The following DZIP3 variants were observed in gnomAD, a reference collection of about 807,000 sequenced individuals.
DZIP3 encodes the protein E3 ubiquitin-protein ligase DZIP3.
Under a neutral mutation model 162.0 loss-of-function variants are expected in DZIP3, and 118 were observed. The ratio of observed to expected loss-of-function variants is 0.73; its 90% CI spans 0.63 to 0.85. DZIP3 has a LOEUF of 0.85. DZIP3 is among the 40% of genes least tolerant of loss of function. The pLI is 0.00. For missense variants in DZIP3, 1,331 were observed against 1,407.0 expected, an observed-to-expected ratio of 0.95 and a Z score of 0.86; for synonymous variants, 438 against 458.6, an observed-to-expected ratio of 0.96 and a Z score of 0.57.
chr3:108,662,376 C>A, intron 21 of DZIP3, 119 bp downstream of exon 21: 1 of 1,220,480 alleles, frequency 8.2e-7, no homozygotes, highest in Non-Finnish European at 1.1e-6. Context: ...ACCTCAACCA[C>A]ACGACTGCAC....
intron 1 of DZIP3, among the ~76,000 whole-genome samples, chr3:108,595,683 CAT>C (rs138157828): frequency 0.014 from 2,146 of 152,286 alleles, 55 homozygotes; most frequent in African/African-American, 0.048. Flanking sequence ...CTAGAAAGAA[CAT>C]ATTGTCTTCT....
intron 1 of DZIP3, among the ~76,000 whole-genome samples, chr3:108,604,772 A>T (rs893650128): frequency 1.3e-5 from 2 of 152,236 alleles, no homozygotes; most frequent in Non-Finnish European, 2.9e-5. Context: ...GCAGGAACTC[A>T]TATATACCTC....
chr3:108,620,307 A>G (rs1465537951), intron 5 of DZIP3, among the ~76,000 whole-genome samples: 1 of 152,196 alleles, frequency 6.6e-6, no homozygotes, highest in Non-Finnish European at 1.5e-5. Context: ...CCACACTTCC[A>G]GAAGAAAATC....
intron 19 of DZIP3, among the ~76,000 whole-genome samples, chr3:108,659,767 G>A (rs1367851592): frequency 6.6e-6 from 1 of 152,180 alleles, no homozygotes; most frequent in Admixed American, 6.5e-5. Flanking sequence ...ATCTCCTTAA[G>A]CTGATAAGCA....
chr3:108,665,448 AAATT>A (rs1324714693), intron 21 of DZIP3, among the ~76,000 whole-genome samples: 2 of 152,150 alleles, frequency 1.3e-5, no homozygotes, highest in Non-Finnish European at 2.9e-5. Context: ...TGGGAGAAAA[AAATT>A]AAAAAGAGTC....
At chr3:108,665,904 A>C (rs1040585526) in intron 21 of DZIP3, among the ~76,000 whole-genome samples, 1 of 152,192 alleles carries the variant, frequency 6.6e-6, no homozygotes, top group Non-Finnish European at 1.5e-5. Context: ...CAGACAATGG[A>C]AAATTATAAG....
Position 108,632,997 on chromosome 3 carries a change from G to T in DZIP3, c.741G>T (p.Met247Ile). 1 of 1,487,056 alleles carries T rather than the reference G, an allele frequency of 6.7e-7. No individual in the cohort carries two copies. The highest frequency in any genetic ancestry group is 1.4e-5 in the South Asian group (1 of 69,246). The allele number at this position is 1,487,056 out of a possible 1,614,324, so 92.1% of individuals were successfully genotyped here. A position where few individuals can be genotyped will look rare whatever the true frequency, so the allele number is the denominator to read the frequency against. Residue 247 changes from methionine to isoleucine, a missense_variant, in exon 9 of 33, where the codon ATG (methionine) becomes ATT (isoleucine). Around this residue, in one of 2 missense-constraint regions of DZIP3, gnomAD observed 1,278 missense variants for 1,317.1 expected, o/e 0.97. Transcript: ENST00000361582. Reference sequence around the variant, plus strand: ...TCAAGACAACTGAAAGCAATATAATGAAGCAGACGATTTGTAGTTACCTAG... The same window carrying T: ...TCAAGACAACTGAAAGCAATATAATTAAGCAGACGATTTGTAGTTACCTAG... ...NFIKTTESNI[M>I]KQTICSYLDC... is the part of the protein sequence containing the mutation.
intron 27 of DZIP3, among the ~76,000 whole-genome samples, chr3:108,685,294 TC>T (rs1204181576): frequency 6.6e-6 from 1 of 152,122 alleles, no homozygotes; most frequent in African/African-American, 2.4e-5. Context: ...TACCTTAATC[TC>T]CTAATAAGAT....
Position 108,622,487 on chromosome 3 carries a change from T to C in DZIP3, c.376-1957T>C, listed in dbSNP as rs553937601. 5.3e-5 allele frequency among the ~76,000 whole-genome samples: 8 copies of C among 152,300 alleles called. No homozygotes were observed. In the South Asian group the frequency reaches 1.5e-3, roughly 28 times the overall value. On this transcript the variant is annotated intron_variant, in intron 5 of 32. Coordinates refer to ENST00000361582, the MANE Select transcript of DZIP3 (RefSeq NM_014648.4). ...TTGGCAACTGGTGCCTTTTTTGGTT[T>C]GGTAAAGTCATGTTTTCCTGGATGG...
intron 11 of DZIP3, 89 bp downstream of exon 11, chr3:108,636,797 ATAAT>A: frequency 2.2e-6 from 2 of 893,770 alleles, no homozygotes; most frequent in South Asian, 3.2e-5. Context: ...GGGGATCATC[ATAAT>A]TAGATTCCAG....
At chr3:108,623,518 A>C (rs539815956) in intron 5 of DZIP3, among the ~76,000 whole-genome samples, 1 of 152,292 alleles carries the variant, frequency 6.6e-6, no homozygotes, top group South Asian at 2.1e-4. Flanking sequence ...TCAAGTGGCA[A>C]GGCAAAATCG....
chr3:108,595,329 C>T (rs80287939), intron 1 of DZIP3, among the ~76,000 whole-genome samples: 10 of 152,168 alleles, frequency 6.6e-5, no homozygotes, highest in Non-Finnish European at 1.3e-4. Context: ...AGTAATCCTC[C>T]CACTTTAGCC....
intron 2 of DZIP3, among the ~76,000 whole-genome samples, chr3:108,607,720 T>C (rs1474518034): frequency 1.3e-5 from 2 of 152,184 alleles, no homozygotes; most frequent in African/African-American, 2.4e-5. Flanking sequence ...GATAGATCTC[T>C]CCCTAACCTG....
Position 108,644,192 on chromosome 3 carries a change from T to G in DZIP3, c.1170T>G (p.Tyr390Ter), listed in dbSNP as rs768821274. 1 of 1,604,442 alleles carries G rather than the reference T, an allele frequency of 6.2e-7. No individual in the cohort carries two copies. The highest frequency in any genetic ancestry group is 8.5e-7 in the Non-Finnish European group (1 of 1,176,756). The change falls in exon 14 of 33, where the codon TAT becomes TAG. Residue 390 changes from tyrosine to a stop codon, truncating the protein, a stop_gained. Coordinates refer to ENST00000361582, the MANE Select transcript of DZIP3 (RefSeq NM_014648.4). LOFTEE classifies it high-confidence loss of function. ...KDEMPIFKLD[Y>*]NYFYHLLHII... ...AAATGCCTATCTTCAAGCTTGATTA[T>G]AATTATTTCTATCATCTGCTTCATA...
intron 19 of DZIP3, among the ~76,000 whole-genome samples, chr3:108,655,349 C>T (rs1422806471): frequency 6.6e-6 from 1 of 151,988 alleles, no homozygotes; most frequent in Non-Finnish European, 1.5e-5. Flanking sequence ...ATTAAGACTG[C>T]CTTAGAATGC....
At chr3:108,656,504 C>A (rs1943127721) in intron 19 of DZIP3, among the ~76,000 whole-genome samples, 2 of 152,120 alleles carry the variant, frequency 1.3e-5, no homozygotes, top group Non-Finnish European at 2.9e-5. Flanking sequence ...ACGTCATCAT[C>A]ATCAAAGACC....
At chr3:108,652,260 A>G (rs774502896) in intron 18 of DZIP3, among the ~76,000 whole-genome samples, 35 of 151,826 alleles carry the variant, frequency 2.3e-4, no homozygotes, top group Non-Finnish European at 4.6e-4. Flanking sequence ...ATATATACCT[A>G]TAACTCTGAT....
chr3:108,613,134 A>G (rs961106639), intron 4 of DZIP3, among the ~76,000 whole-genome samples: 5 of 150,590 alleles, frequency 3.3e-5, no homozygotes, highest in Non-Finnish European at 5.9e-5. Context: ...ACTCTATTAA[A>G]GGTAAGAAAT....
intron 5 of DZIP3, among the ~76,000 whole-genome samples, chr3:108,618,460 T>C (rs146298063): frequency 2.6e-5 from 4 of 152,328 alleles, no homozygotes; most frequent in South Asian, 2.1e-4. Context: ...TACCCCATCT[T>C]AGGGCACAGA....
Sources: allele counts gnomAD v4.1 joint callset (sites outside exome capture counted in the v4.1 genomes callset), GRCh38; gene constraint gnomAD v4.1.1; regional missense constraint gnomAD v4.1.1; transcripts MANE v1.5; gene names NCBI Gene and HGNC (gene_info 2026-07-23, HGNC 2026-07-21).